WDR90: variants seen among roughly 807,000 people sequenced by gnomAD.
WDR90 encodes WD repeat-containing protein 90.
In WDR90, 238 loss-of-function variants were observed where a neutral mutation model predicts 195.2. The observed-to-expected ratio is 1.22, with a 90% CI of 1.10 to 1.36. The LOEUF is 1.36. Ranked by LOEUF, WDR90 falls within the 40% of genes most tolerant of loss-of-function variation. The pLI, the probability that WDR90 is intolerant of heterozygous loss-of-function variation, is 0.00. For synonymous variants in WDR90, 1,265 were observed against 1,052.4 expected, an observed-to-expected ratio of 1.20 and a Z score of -3.91; for missense variants, 2,734 against 2,439.5, an observed-to-expected ratio of 1.12 and a Z score of -2.54.
rs1426097807 is a variant in WDR90 at position 666,815 on chromosome 16, C to T, written c.5004+23C>T. The T allele has an allele frequency of 1.9e-6, 3 of 1,612,546 alleles. No homozygotes were observed. The African/African-American group carries it at 4.0e-5, about 22-fold the overall frequency. On this transcript the variant is annotated intron_variant, in intron 39 of 40. Transcript: ENST00000293879. Reference sequence around the variant, plus strand: ...CAGGTACACGCAGCTGCCCGCGTGTCACTGGGAGCCCCAGGGATCCAGGGT... The same window carrying T: ...CAGGTACACGCAGCTGCCCGCGTGTTACTGGGAGCCCCAGGGATCCAGGGT...
At chr16:654,722 T>C (rs2037711135) in intron 13 of WDR90, 1 of 403,532 alleles carries the variant, frequency 2.5e-6, no homozygotes, top group Non-Finnish European at 4.6e-6. Flanking sequence ...AGTGCTGGGA[T>C]CACAGGCATG....
rs1299409980 is a variant in WDR90, at chr16:662,386, CTG to C, written c.4145+56_4145+57del. ...TGCACGTGGGTGTTGGTGTCCCTGA[CTG>C]GGGCTTGCAGCCAGTGCCCCGCCCC... On this transcript the variant is annotated intron_variant, in intron 33 of 40. Coordinates refer to ENST00000293879, the MANE Select transcript of WDR90 (RefSeq NM_145294.5). 1.1e-4 allele frequency: 175 copies of C among 1,530,350 alleles called. 1 individual carries two copies. In the East Asian group the frequency reaches 4.2e-3, roughly 37 times the overall value. 94.8% of individuals were successfully genotyped at this position (1,530,350 alleles called of 1,614,324 possible).
At position 667,419 on chromosome 16, in the gene WDR90, C is replaced by T. The variant is rs745692301; in HGVS notation, c.5090-13C>T. 17 of 1,586,110 alleles carry T rather than the reference C, an allele frequency of 1.1e-5. No homozygotes were observed. The highest frequency in any genetic ancestry group is 6.7e-5 in the Admixed American group (4 of 59,312). On this transcript the variant is annotated splice_polypyrimidine_tract_variant and intron_variant, in intron 40 of 40. Transcript: ENST00000293879. ...GGTCCTGGCCCTGGCCCACCTGCAC[C>T]GTCTACCCACAGAGTGCATGCTGAG...
chr16:661,000 GCCCCCCCCCCC>G, intron 28 of WDR90, 40 bp from the exon 29 acceptor site: 1 of 18,324 alleles, frequency 5.5e-5, no homozygotes. Context: ...GCCCCTCCCC[GCCCCCCCCCCC>G]CCCCGGCCCG....
At position 661,125 on chromosome 16, in the gene WDR90, G is replaced by T; in HGVS notation, c.3466G>T (p.Gly1156Cys). ...LHSGAQQHWS[G>C]HSAEISTLAL... ...CTCTGGCGCCCAGCAGCACTGGTCC[G>T]GCCACTCTGCGGAGATCTCCACGCT... Residue 1156 changes from glycine (G) to cysteine (C), a missense_variant, in exon 29 of 41, where the codon GGC becomes TGC. Coordinates refer to ENST00000293879, the MANE Select transcript of WDR90 (RefSeq NM_145294.5). The T allele has an allele frequency of 1.3e-6, 2 of 1,563,836 alleles. No individual in the cohort carries two copies. Among genetic ancestry groups the T allele is most frequent in the Non-Finnish European group, 1.7e-6 (2 of 1,162,376 alleles).
At chr16:662,425 CCCTGCAGACCGGCCG>C in intron 33 of WDR90, 94 bp downstream of exon 33, 6 of 1,440,822 alleles carry the variant, frequency 4.2e-6, no homozygotes, top group Non-Finnish European at 5.6e-6. Flanking sequence ...GCAAAGGCCG[CCCTGCAGACCGGCCG>C]CCTGCTAGCC....
In WDR90 at chr16:653,683, C is replaced by T. The variant is rs780839362; in HGVS notation, c.1379+13C>T. On this transcript the variant is annotated intron_variant, in intron 12 of 40. Coordinates refer to ENST00000293879, the MANE Select transcript of WDR90 (RefSeq NM_145294.5). The stretch of plus-strand genomic sequence containing the variant: ...TCTGCTCTCTCAGGTGAGCACAGGT[C>T]TGCCCCATGCAGGGGGAGGGGGTCA... 8.1e-6 allele frequency: 13 copies of T among 1,613,184 alleles called. No individual in the cohort carries two copies. Among genetic ancestry groups the T allele is most frequent in the Non-Finnish European group, 1.1e-5 (13 of 1,179,864 alleles).
At chr16:667,329 C>G in intron 40 of WDR90, 103 bp from the exon 41 acceptor site, 1 of 1,460,884 alleles carries the variant, frequency 6.8e-7, no homozygotes, top group Non-Finnish European at 9.1e-7. Context: ...ACCAGCTCCC[C>G]CGACCAGCAT....
intron 28 of WDR90, 47 bp from the exon 29 acceptor site, chr16:661,004 C>CCT: frequency 1.1e-5 from 1 of 87,634 alleles, no homozygotes; most frequent in Non-Finnish European, 1.7e-5. Context: ...CTCCCCGCCC[C>CCT]CCCCCCCCCC....
chr16:653,993 G>A, intron 13 of WDR90, 190 bp downstream of exon 13: 2 of 682,982 alleles, frequency 2.9e-6, no homozygotes, highest in South Asian at 4.2e-5. Flanking sequence ...ACCACCACCA[G>A]CAGCTCACAT....
chr16:659,167 A>G (rs1596465366), intron 25 of WDR90, 41 bp downstream of exon 25: 2 of 1,609,586 alleles, frequency 1.2e-6, no homozygotes, highest in Non-Finnish European at 1.7e-6. Flanking sequence ...TGCTGCGCTG[A>G]CTCTGGGGCC....
chr16:663,319 T>C (rs995720611), intron 34 of WDR90: 11 of 319,580 alleles, frequency 3.4e-5, no homozygotes, highest in African/African-American at 2.2e-4. Context: ...ATACCTGTAA[T>C]CCCAGCTACT....
intron 13 of WDR90, chr16:654,506 C>T (rs1323472389): frequency 6.4e-6 from 1 of 157,228 alleles, no homozygotes; most frequent in Non-Finnish European, 1.4e-5. Flanking sequence ...TCAGCCTCCC[C>T]AGTAGCTGGG....
rs750491930 is a variant in WDR90, at chr16:651,833, C to T, written c.847C>T (p.Arg283Trp). ...VQTPSPTASG[R>W]AALAPRPFPE... is the part of the protein sequence containing the mutation. ...GGCACTTGTCCCCCAGCAGTCCGGC[C>T]GGGCCGCCTTGGCACCCAGGCCCTT... The change falls in exon 9 of 41, where the codon CGG becomes TGG. Residue 283 changes from arginine to tryptophan, a missense_variant. Coordinates refer to ENST00000293879, the MANE Select transcript of WDR90 (RefSeq NM_145294.5). The T allele has an allele frequency of 1.7e-5, 28 of 1,610,282 alleles. No individual in the cohort carries two copies. The highest frequency in any genetic ancestry group is 1.5e-4 in the Admixed American group (9 of 59,986).
In WDR90 at chr16:655,673, C is replaced by T; in HGVS notation, c.1819C>T (p.Pro607Ser). The T allele has an allele frequency of 1.9e-6, 3 of 1,600,614 alleles. No individual in the cohort carries two copies. Among genetic ancestry groups the T allele is most frequent in the Non-Finnish European group, 2.6e-6 (3 of 1,173,624 alleles). The change falls in exon 16 of 41, where the codon CCC (proline) becomes TCC (serine). Residue 607 changes from proline to serine, a missense_variant. Coordinates refer to ENST00000293879, the MANE Select transcript of WDR90 (RefSeq NM_145294.5). ...GCTCCCCACACGGACTCCAGGCGGT[C>T]CCCACCCACAGAAGCAGACCTTCAG... ...RLLPTRTPGG[P>S]HPQKQTFSSG... is the part of the protein sequence containing the mutation.
rs12447392 is a variant in WDR90 at position 666,798 on chromosome 16, C to T, written c.5004+6C>T. 0.14 allele frequency: 231,412 copies of T among 1,612,544 alleles called. 18,205 individuals carry two copies. The highest frequency in any genetic ancestry group is 0.17 in the Admixed American group (10,434 of 60,010). On this transcript the variant is annotated splice_donor_region_variant and intron_variant, in intron 39 of 40. Transcript: ENST00000293879. ...ACAACCTCTGCCAGAAGCAGGTACA[C>T]GCAGCTGCCCGCGTGTCACTGGGAG...
chr16:666,268 A>T lies in WDR90; in HGVS notation c.4658A>T (p.His1553Leu). 1.9e-6 allele frequency: 3 copies of T among 1,612,572 alleles called. No individual in the cohort carries two copies. Among genetic ancestry groups the T allele is most frequent in the Non-Finnish European group, 2.5e-6 (3 of 1,179,952 alleles). The part of the protein sequence containing the change: ...GDKDGLVAVS[H>L]PCTGTTFRVL... Reference sequence around the variant, plus strand: ...AAGGATGGGCTCGTGGCTGTGAGCCACCCCTGCACAGGGACAACCTTCCGT... The same window carrying T: ...AAGGATGGGCTCGTGGCTGTGAGCCTCCCCTGCACAGGGACAACCTTCCGT... Residue 1553 changes from histidine (H) to leucine (L), a missense_variant, in exon 37 of 41, where the codon CAC becomes CTC. By Grantham distance (99) the His-to-Leu change is moderately conservative. Transcript: ENST00000293879.
At chr16:667,081 G>A (rs1486146024) in intron 40 of WDR90, 92 bp downstream of exon 40, 1 of 1,348,598 alleles carries the variant, frequency 7.4e-7, no homozygotes, top group Non-Finnish European at 1.0e-6. Flanking sequence ...CCTCACCTGT[G>A]CCCCGGGCTC....
At chr16:655,977 T>A (rs764941135) in intron 17 of WDR90, 88 bp downstream of exon 17, 26 of 1,423,734 alleles carry the variant, frequency 1.8e-5, no homozygotes, top group Non-Finnish European at 2.2e-5. Context: ...GGCTCTGCTG[T>A]CAGCCGCCCT....
Sources: allele counts gnomAD v4.1 joint callset, GRCh38; gene constraint gnomAD v4.1.1; transcripts MANE v1.5; gene names NCBI Gene and HGNC (gene_info 2026-07-23, HGNC 2026-07-21).